Variants in DNAAF5 observed in about 807,000 individuals in gnomAD.
DNAAF5 encodes the protein dynein axonemal assembly factor 5.
In DNAAF5, 64 loss-of-function variants were observed where a neutral mutation model predicts 75.8. The observed-to-expected ratio is 0.84, with a 90% CI of 0.69 to 1.04. DNAAF5 has a LOEUF of 1.04. Among genes scored for constraint, DNAAF5 ranks in the 50% least tolerant of loss-of-function variants. The probability of loss-of-function intolerance (pLI) is 0.00; values close to 1 mark genes in which losing one functional copy is unlikely to be tolerated. For missense variants in DNAAF5, 1,269 were observed against 1,178.5 expected, an observed-to-expected ratio of 1.08 and a Z score of -1.12; for synonymous variants, 657 against 557.2, an observed-to-expected ratio of 1.18 and a Z score of -2.52.
At chr7:729,638 A>C in intron 1 of DNAAF5, 25 bp from the exon 2 acceptor site, 1 of 1,605,308 alleles carries the variant, frequency 6.2e-7, no homozygotes, top group Non-Finnish European at 8.5e-7. Context: ...CAGCTCTGGT[A>C]ACTGGGGGCC....
Position 765,794 on chromosome 7 carries a change from G to A in DNAAF5, c.1783+1820G>A, listed in dbSNP as rs146458548. On this transcript the variant is annotated intron_variant, in intron 8 of 12. Coordinates refer to ENST00000297440, the MANE Select transcript of DNAAF5 (RefSeq NM_017802.4). ...CAGCTCACTGTAGCCTCAAACTTCC[G>A]GGATCAAGTGATTTTTCTGCCTTAG... Among the ~76,000 whole-genome samples, 212 of 152,222 alleles carry A rather than the reference G, an allele frequency of 1.4e-3. 1 individual carries two copies. Among genetic ancestry groups the A allele is most frequent in the African/African-American group, 4.6e-3 (192 of 41,542 alleles).
At chr7:757,163 G>A (rs1042439300) in intron 6 of DNAAF5, among the ~76,000 whole-genome samples, 169 bp downstream of exon 6, 4 of 152,354 alleles carry the variant, frequency 2.6e-5, no homozygotes, top group East Asian at 1.9e-4. Context: ...CCGGGCCATC[G>A]GAAACACCTG....
chr7:756,874 C>T lies in DNAAF5; in HGVS notation c.1350C>T (p.Ala450=). Residue 450 remains alanine (A), a synonymous_variant, in exon 6 of 13, where the codon GCC becomes GCT. Transcript: ENST00000297440. ...ILSTLKKTPS[A]SGLLVLASAM... ...CGACGCTGAAGAAGACGCCCTCTGC[C>T]TCCGGCCTCCTGGTGCTGGCCTCCG... The T allele has an allele frequency of 6.2e-7, 1 of 1,613,704 alleles. No homozygotes were observed. The highest frequency in any genetic ancestry group is 8.5e-7 in the Non-Finnish European group (1 of 1,180,014).
rs1781366552 is a variant in DNAAF5, at chr7:727,334, G to A, written c.595+19G>A. The A allele has an allele frequency of 8.2e-7, 1 of 1,222,816 alleles. No individual in the cohort carries two copies. The highest frequency in any genetic ancestry group is 2.8e-5 in the South Asian group (1 of 35,662). 75.7% of individuals were successfully genotyped at this position (1,222,816 alleles called of 1,614,324 possible). A position where few individuals can be genotyped will look rare whatever the true frequency, so the allele number is the denominator to read the frequency against. ...ACGCCCGGTGAGCACCCCGGGCCCC[G>A]CTCCCACACGCCACCCCACACTCTC... On this transcript the variant is annotated intron_variant, in intron 1 of 12. Transcript: ENST00000297440.
At chr7:762,779 A>G (rs975788607) in intron 7 of DNAAF5, among the ~76,000 whole-genome samples, 2 of 151,842 alleles carry the variant, frequency 1.3e-5, no homozygotes, top group Admixed American at 1.3e-4. Flanking sequence ...ATACCCGGCT[A>G]ATTTTTATAT....
rs187083504 is a variant in DNAAF5, at chr7:756,743, G to A, written c.1258-39G>A. On this transcript the variant is annotated intron_variant, in intron 5 of 12. Coordinates refer to ENST00000297440, the MANE Select transcript of DNAAF5 (RefSeq NM_017802.4). ...GAGCAGGAGCCCGGCTGAGACCCTC[G>A]GGTTTGGCTCTGAGTTTTCTCATGT... 1.9e-4 allele frequency: 302 copies of A among 1,596,244 alleles called. 1 individual carries two copies. Among genetic ancestry groups the A allele is most frequent in the African/African-American group, 1.4e-3 (106 of 74,722 alleles).
chr7:753,810 G>T (rs113130628), intron 4 of DNAAF5, among the ~76,000 whole-genome samples: 22,468 of 139,390 alleles, frequency 0.16, 1,798 homozygotes, highest in East Asian at 0.25. Context: ...CTTCGCAGGC[G>T]TGTCTCTCTC....
intron 8 of DNAAF5, among the ~76,000 whole-genome samples, chr7:769,699 C>A (rs1778488433): frequency 1.3e-5 from 2 of 152,142 alleles, no homozygotes; most frequent in Admixed American, 1.3e-4. Flanking sequence ...CTCTTGGTGC[C>A]CAGGCTGGAG....
At chr7:746,809 C>T (rs1782129021) in intron 4 of DNAAF5, among the ~76,000 whole-genome samples, 1 of 152,216 alleles carries the variant, frequency 6.6e-6, no homozygotes, top group Non-Finnish European at 1.5e-5. Flanking sequence ...ATGTGGGCAT[C>T]TCCACCGCCC....
At chr7:773,996 C>A in intron 9 of DNAAF5, 52 bp from the exon 10 acceptor site, 1 of 1,609,882 alleles carries the variant, frequency 6.2e-7, no homozygotes, top group Non-Finnish European at 8.5e-7. Flanking sequence ...TGAAACGTTT[C>A]TTCCGAGCAC....
At chr7:749,898 C>T (rs1782235845) in intron 4 of DNAAF5, among the ~76,000 whole-genome samples, 1 of 152,154 alleles carries the variant, frequency 6.6e-6, no homozygotes, top group African/African-American at 2.4e-5. Context: ...AGGGTTTCAC[C>T]ATATCAGTCA....
intron 12 of DNAAF5, among the ~76,000 whole-genome samples, chr7:783,437 C>T (rs1421278216): frequency 6.6e-6 from 1 of 152,182 alleles, no homozygotes; most frequent in Non-Finnish European, 1.5e-5. Context: ...TGCGTGCGAC[C>T]ACATGCCTGG....
intron 4 of DNAAF5, among the ~76,000 whole-genome samples, chr7:752,517 G>A (rs7457173): frequency 5.4e-3 from 131 of 24,214 alleles, no homozygotes; most frequent in African/African-American, 0.015. Context: ...CTTTGTCACC[G>A]CGGGCCGGGC....
chr7:773,531 G>A (rs75111580), intron 9 of DNAAF5, among the ~76,000 whole-genome samples: 2,319 of 148,190 alleles, frequency 0.016, 41 homozygotes, highest in East Asian at 0.12. Flanking sequence ...TGTGGCCCTT[G>A]GGTCCCCGGA....
At chr7:727,412 GC>G in intron 1 of DNAAF5, 97 bp downstream of exon 1, 2 of 520,400 alleles carry the variant, frequency 3.8e-6, no homozygotes, top group Non-Finnish European at 4.9e-6. Flanking sequence ...GCTCGGCCCC[GC>G]CCCCCTCCAC....
At chr7:741,028 C>G in intron 3 of DNAAF5, 85 bp downstream of exon 3, 1 of 1,504,786 alleles carries the variant, frequency 6.6e-7, no homozygotes, top group Admixed American at 1.8e-5. Context: ...CAGTCTCTCA[C>G]AGAAACCTGC....
intron 4 of DNAAF5, among the ~76,000 whole-genome samples, chr7:750,582 G>A (rs1197831324): frequency 1.3e-5 from 2 of 152,144 alleles, no homozygotes; most frequent in Non-Finnish European, 2.9e-5. Flanking sequence ...AGGAGGGTTT[G>A]CCCTCCCCTG....
At chr7:764,491 T>C (rs1782759832) in intron 8 of DNAAF5, among the ~76,000 whole-genome samples, 1 of 152,202 alleles carries the variant, frequency 6.6e-6, no homozygotes, top group Non-Finnish European at 1.5e-5. Context: ...GCAGCCATAG[T>C]GCCTTGGGAC....
At chr7:771,953 GA>G (rs1291331021) in intron 9 of DNAAF5, 4 of 122,450 alleles carry the variant, frequency 3.3e-5, no homozygotes, top group African/African-American at 8.9e-5. Context: ...TAATAGGAAA[GA>G]TTTTTTTTTT....
Sources: gnomAD v4.1 joint callset for allele counts (sites outside exome capture counted in the v4.1 genomes callset) on GRCh38, gnomAD v4.1.1 for gene constraint, MANE v1.5 for transcripts, NCBI Gene and HGNC (gene_info 2026-07-23, HGNC 2026-07-21) for gene names.